Variants in PACRG observed in about 807,000 individuals in gnomAD.
The protein encoded by PACRG is parkin coregulated.
Under a neutral mutation model 29.7 loss-of-function variants are expected in PACRG, and 29 were observed. That is an observed-to-expected ratio of 0.98 (90% CI 0.73 to 1.33). The LOEUF (loss-of-function observed/expected upper bound fraction) is 1.33, where lower values mean the gene tolerates loss of function less well. Ranked by LOEUF, PACRG falls within the 40% of genes most tolerant of loss-of-function variation. PACRG has a pLI of 0.00. For synonymous variants in PACRG, 116 were observed against 118.7 expected (o/e 0.98, Z 0.15); for missense variants, 279 against 316.2 (o/e 0.88, Z 0.89).
intron 2 of PACRG, among the ~76,000 whole-genome samples, chr6:162,984,719 G>A (rs1802728005): frequency 6.6e-6 from 1 of 151,814 alleles, no homozygotes; most frequent in African/African-American, 2.4e-5. Context: ...GAGTGAGGTG[G>A]TATTGTATTG....
At chr6:163,179,487 C>T (rs1779547796) in intron 4 of PACRG, 1 of 262,482 alleles carries the variant, frequency 3.8e-6, no homozygotes, top group Non-Finnish European at 7.6e-6. Context: ...ATTGCTTCAG[C>T]CCGGGAAGGA....
chr6:162,762,663 C>T (rs962221616), intron 1 of PACRG, among the ~76,000 whole-genome samples: 1 of 152,216 alleles, frequency 6.6e-6, no homozygotes, highest in Non-Finnish European at 1.5e-5. Context: ...TGCGTTCTTT[C>T]ATTATGCATG....
intron 2 of PACRG, among the ~76,000 whole-genome samples, chr6:162,878,569 G>A (rs1793568258): frequency 6.6e-6 from 1 of 152,124 alleles, no homozygotes; most frequent in Admixed American, 6.5e-5. Context: ...TCAGCAAGAT[G>A]GCCAACTAGA....
chr6:162,977,568 C>T (rs1466805479), intron 2 of PACRG, among the ~76,000 whole-genome samples: 4 of 152,030 alleles, frequency 2.6e-5, no homozygotes, highest in African/African-American at 4.8e-5. Context: ...CTCCGACTGA[C>T]CAAACCCTTC....
At chr6:163,208,929 A>C (rs948728331) in intron 4 of PACRG, among the ~76,000 whole-genome samples, 2 of 152,220 alleles carry the variant, frequency 1.3e-5, no homozygotes, top group African/African-American at 2.4e-5. Context: ...TTTTCTCCAA[A>C]TTTATTACAT....
At chr6:163,300,954 A>T (rs1784973406) in intron 4 of PACRG, among the ~76,000 whole-genome samples, 1 of 135,022 alleles carries the variant, frequency 7.4e-6, no homozygotes, top group Admixed American at 7.5e-5. Flanking sequence ...TGAGTTTAGT[A>T]GGGCCACGTC....
At chr6:163,125,037 T>C (rs1037739568) in intron 4 of PACRG, among the ~76,000 whole-genome samples, 2 of 152,176 alleles carry the variant, frequency 1.3e-5, no homozygotes, top group South Asian at 4.1e-4. Flanking sequence ...AGCAATGCAA[T>C]TGTGCAACGG....
At chr6:163,268,845 T>A (rs1037736112) in intron 4 of PACRG, among the ~76,000 whole-genome samples, 1 of 152,232 alleles carries the variant, frequency 6.6e-6, no homozygotes, top group African/African-American at 2.4e-5. Context: ...GTGTTTCTCC[T>A]TTACCATGGA....
chr6:162,829,326 A>G (rs1443463610), intron 2 of PACRG, among the ~76,000 whole-genome samples: 4 of 152,262 alleles, frequency 2.6e-5, no homozygotes, highest in Non-Finnish European at 5.9e-5. Flanking sequence ...TGGGATACAA[A>G]TATATAAAAG....
At chr6:163,226,182 C>T (rs930545444) in intron 4 of PACRG, among the ~76,000 whole-genome samples, 1 of 152,074 alleles carries the variant, frequency 6.6e-6, no homozygotes, top group East Asian at 1.9e-4. Context: ...GAGAGTAGAA[C>T]GGTGTTTAGC....
intron 4 of PACRG, among the ~76,000 whole-genome samples, chr6:163,216,065 G>A (rs1483632507): frequency 1.3e-5 from 2 of 152,194 alleles, no homozygotes; most frequent in Non-Finnish European, 2.9e-5. Flanking sequence ...TAATTTTAGA[G>A]ATCATTTTTC....
chr6:162,984,344 A>G (rs1802694450), intron 2 of PACRG, among the ~76,000 whole-genome samples: 1 of 152,038 alleles, frequency 6.6e-6, no homozygotes, highest in South Asian at 2.1e-4. Context: ...AGTGAATGCC[A>G]TTATTTCATT....
chr6:163,017,131 G>C (rs566456762), intron 2 of PACRG, among the ~76,000 whole-genome samples: 4 of 152,146 alleles, frequency 2.6e-5, no homozygotes, highest in African/African-American at 9.6e-5. Context: ...TCCATCACTT[G>C]AATAAACTGT....
chr6:163,033,552 G>T (rs1453715659), intron 2 of PACRG, among the ~76,000 whole-genome samples: 1 of 152,034 alleles, frequency 6.6e-6, no homozygotes, highest in Non-Finnish European at 1.5e-5. Context: ...TAAATAAAAG[G>T]CATTACACTT....
At chr6:163,140,348 C>T (rs1418270739) in intron 4 of PACRG, among the ~76,000 whole-genome samples, 1 of 152,134 alleles carries the variant, frequency 6.6e-6, no homozygotes, top group Non-Finnish European at 1.5e-5. Context: ...GAGAGCCTGG[C>T]CTCCATGGGG....
intron 2 of PACRG, among the ~76,000 whole-genome samples, chr6:163,058,295 A>G (rs1187589244): frequency 6.6e-6 from 1 of 152,070 alleles, no homozygotes; most frequent in Admixed American, 6.6e-5. Flanking sequence ...AGAGCTGCCT[A>G]TTGGGCACCG....
chr6:163,129,710 T>C (rs927674364), intron 4 of PACRG, among the ~76,000 whole-genome samples: 3 of 151,872 alleles, frequency 2.0e-5, no homozygotes, highest in Non-Finnish European at 4.4e-5. Context: ...CTCCACCTCT[T>C]TCCGACTGTA....
At chr6:163,024,423 C>A (rs1806925206) in intron 2 of PACRG, among the ~76,000 whole-genome samples, 1 of 152,052 alleles carries the variant, frequency 6.6e-6, no homozygotes, top group South Asian at 2.1e-4. Flanking sequence ...TCTTCTGTTC[C>A]ATTGATCTAT....
intron 2 of PACRG, among the ~76,000 whole-genome samples, chr6:162,822,811 C>T (rs1298891851): frequency 6.6e-6 from 1 of 152,036 alleles, no homozygotes; most frequent in African/African-American, 2.4e-5. Flanking sequence ...CCCTTCATAT[C>T]TCTTTAGAAG....
Sources: gnomAD v4.1 joint callset for allele counts (sites outside exome capture counted in the v4.1 genomes callset) on GRCh38, gnomAD v4.1.1 for gene constraint, MANE v1.5 for transcripts, NCBI Gene and HGNC (gene_info 2026-07-23, HGNC 2026-07-21) for gene names.